TRPM3: variants seen among roughly 807,000 people sequenced by gnomAD.
The protein encoded by TRPM3 is transient receptor potential cation channel subfamily M member 3, also known as long transient receptor potential channel 3.
Under a neutral mutation model 181.2 loss-of-function variants are expected in TRPM3, and 77 were observed. That is an observed-to-expected ratio of 0.42 (90% CI 0.35 to 0.51). The LOEUF (loss-of-function observed/expected upper bound fraction) is 0.51, where lower values mean the gene tolerates loss of function less well. TRPM3 is among the 20% of genes least tolerant of loss of function. The probability of loss-of-function intolerance (pLI) is 0.01; values close to 1 mark genes in which losing one functional copy is unlikely to be tolerated. For missense variants in TRPM3, 1,759 were observed against 2,196.7 expected, an observed-to-expected ratio of 0.80 and a Z score of 3.98; for synonymous variants, 745 against 796.4, an observed-to-expected ratio of 0.94 and a Z score of 1.09.
chr9:71,156,893 A>G (rs149947488), intron 1 of TRPM3, among the ~76,000 whole-genome samples: 2 of 152,138 alleles, frequency 1.3e-5, no homozygotes, highest in African/African-American at 4.8e-5. Flanking sequence ...CATCCTCCTG[A>G]CAACTATCCT....
chr9:70,989,518 T>A (rs1195601384), intron 1 of TRPM3, among the ~76,000 whole-genome samples: 1 of 152,200 alleles, frequency 6.6e-6, no homozygotes, highest in Non-Finnish European at 1.5e-5. Flanking sequence ...TAAACAGCTT[T>A]CTCCCTTATT....
intron 8 of TRPM3, among the ~76,000 whole-genome samples, chr9:70,747,053 C>A (rs558038825): frequency 6.6e-6 from 1 of 152,142 alleles, no homozygotes; most frequent in Non-Finnish European, 1.5e-5. Context: ...AATGTATATA[C>A]ATCTGAATTC....
chr9:71,402,531 C>T (rs538289288), intron 1 of TRPM3, among the ~76,000 whole-genome samples: 1 of 151,810 alleles, frequency 6.6e-6, no homozygotes, highest in Admixed American at 6.6e-5. Flanking sequence ...CAGGCATTTC[C>T]AAAGCCTACA....
chr9:70,917,252 A>G, intron 1 of TRPM3: 2 of 1,538,726 alleles, frequency 1.3e-6, no homozygotes, highest in Non-Finnish European at 1.8e-6. Flanking sequence ...TGCATCAGTT[A>G]TCATAAACAC....
At chr9:70,752,495 A>T (rs1221448248) in intron 8 of TRPM3, among the ~76,000 whole-genome samples, 1 of 152,192 alleles carries the variant, frequency 6.6e-6, no homozygotes, top group Non-Finnish European at 1.5e-5. Flanking sequence ...TTGGTAAAGA[A>T]GAGTTTATTA....
chr9:70,835,072 C>T (rs2094215858), intron 5 of TRPM3, among the ~76,000 whole-genome samples: 1 of 152,002 alleles, frequency 6.6e-6, no homozygotes, highest in African/African-American at 2.4e-5. Context: ...TTTAAAAGAG[C>T]CTGACATTTC....
chr9:71,003,605 GT>G (rs2097641001), intron 1 of TRPM3, among the ~76,000 whole-genome samples: 1 of 152,140 alleles, frequency 6.6e-6, no homozygotes, highest in African/African-American at 2.4e-5. Context: ...AGGATGTGTT[GT>G]TGATCTTTTG....
chr9:70,799,927 G>A (rs889970314), intron 6 of TRPM3, among the ~76,000 whole-genome samples: 2 of 152,134 alleles, frequency 1.3e-5, no homozygotes, highest in Non-Finnish European at 2.9e-5. Flanking sequence ...TCAATTTGAA[G>A]ACTTGATACT....
intron 22 of TRPM3, among the ~76,000 whole-genome samples, chr9:70,584,787 A>G (rs1236520860): frequency 6.6e-6 from 1 of 152,186 alleles, no homozygotes; most frequent in Non-Finnish European, 1.5e-5. Context: ...CTCACAATGT[A>G]TAACTTCAAA....
intron 1 of TRPM3, among the ~76,000 whole-genome samples, chr9:70,933,664 T>A (rs908103751): frequency 6.6e-6 from 1 of 151,948 alleles, no homozygotes; most frequent in South Asian, 2.1e-4. Flanking sequence ...AAGGCAGGGA[T>A]AGAGTCATAG....
At chr9:70,955,132 C>T (rs1279114440) in intron 1 of TRPM3, among the ~76,000 whole-genome samples, 1 of 152,088 alleles carries the variant, frequency 6.6e-6, no homozygotes, top group African/African-American at 2.4e-5. Flanking sequence ...TTATATCAGC[C>T]TCTAATTGTC....
At chr9:71,407,744 T>G (rs933583750) in intron 1 of TRPM3, among the ~76,000 whole-genome samples, 1 of 152,170 alleles carries the variant, frequency 6.6e-6, no homozygotes, top group African/African-American at 2.4e-5. Context: ...AGCATGGTGG[T>G]TGAGCTCTGA....
At chr9:70,639,021 A>C (rs1330755976) in intron 11 of TRPM3, 39 bp downstream of exon 11, 1 of 1,601,960 alleles carries the variant, frequency 6.2e-7, no homozygotes, top group Admixed American at 1.7e-5. Flanking sequence ...AAACAAACAG[A>C]AAAAAAAGAA....
chr9:70,984,283 C>G (rs1174532819), intron 1 of TRPM3, among the ~76,000 whole-genome samples: 1 of 152,206 alleles, frequency 6.6e-6, no homozygotes, highest in Non-Finnish European at 1.5e-5. Flanking sequence ...AAGCATTACC[C>G]ATTCTAAAGT....
intron 1 of TRPM3, among the ~76,000 whole-genome samples, chr9:71,279,806 G>A (rs760734236): frequency 2.0e-5 from 3 of 152,082 alleles, no homozygotes; most frequent in Non-Finnish European, 2.9e-5. Flanking sequence ...GGCCGGGCGC[G>A]GTGGCTCATG....
chr9:71,426,670 C>T (rs1036009558), intron 1 of TRPM3, among the ~76,000 whole-genome samples: 5 of 152,066 alleles, frequency 3.3e-5, no homozygotes, highest in Admixed American at 1.3e-4. Context: ...CCACTGGACC[C>T]CATAAATTAT....
intron 1 of TRPM3, among the ~76,000 whole-genome samples, chr9:71,356,459 T>C (rs2091901508): frequency 6.6e-6 from 1 of 152,140 alleles, no homozygotes. Flanking sequence ...CTCTATGCTA[T>C]GAGACTGTAA....
intron 21 of TRPM3, among the ~76,000 whole-genome samples, chr9:70,593,631 T>G (rs2132569355): frequency 6.6e-6 from 1 of 152,212 alleles, no homozygotes; most frequent in South Asian, 2.1e-4. Context: ...TCCCAAACAC[T>G]TAGCTTCATA....
intron 1 of TRPM3, among the ~76,000 whole-genome samples, chr9:71,065,307 G>A (rs2061787111): frequency 6.6e-6 from 1 of 152,132 alleles, no homozygotes; most frequent in Non-Finnish European, 1.5e-5. Context: ...TTGGTTTAAA[G>A]TTCCTTTAGC....
Sources: allele counts gnomAD v4.1 joint callset (sites outside exome capture counted in the v4.1 genomes callset), GRCh38; gene constraint gnomAD v4.1.1; transcripts MANE v1.5; gene names NCBI Gene and HGNC (gene_info 2026-07-23, HGNC 2026-07-21).